TTC21B: variants seen among roughly 807,000 people sequenced by gnomAD.
The protein encoded by TTC21B is tetratricopeptide repeat domain 21B.
TTC21B carries 127 observed loss-of-function variants against 175.1 expected under a neutral mutation model. The ratio of observed to expected loss-of-function variants is 0.73; its 90% CI spans 0.63 to 0.84. The LOEUF (loss-of-function observed/expected upper bound fraction) is 0.84. Among genes scored for constraint, TTC21B ranks in the 40% least tolerant of loss-of-function variants. The pLI is 0.00. For missense variants in TTC21B, 1,561 were observed against 1,558.3 expected (o/e 1.00, Z -0.03); for synonymous variants, 524 against 524.5 (o/e 1.00, Z 0.01).
At chr2:165,928,870 A>G (rs1574118822) in intron 11 of TTC21B, 1 of 420,242 alleles carries the variant, frequency 2.4e-6, no homozygotes, top group East Asian at 5.1e-5. Flanking sequence ...TAGGTGTCTG[A>G]ATTAGATGCC....
At chr2:165,879,114 G>C (rs575175580) in intron 27 of TTC21B, among the ~76,000 whole-genome samples, 20 of 152,188 alleles carry the variant, frequency 1.3e-4, no homozygotes, top group African/African-American at 4.6e-4. Context: ...GAGAGCCTTA[G>C]AAAGAAATGA....
At chr2:165,898,025 T>C (rs913627931) in intron 22 of TTC21B, among the ~76,000 whole-genome samples, 1 of 152,148 alleles carries the variant, frequency 6.6e-6, no homozygotes, top group Non-Finnish European at 1.5e-5. Context: ...GAACACAGCA[T>C]GTTTGAAAAT....
intron 12 of TTC21B, 77 bp from the exon 13 acceptor site, chr2:165,919,510 T>A: frequency 6.7e-7 from 1 of 1,500,906 alleles, no homozygotes; most frequent in Non-Finnish European, 9.2e-7. Context: ...GGAAGAAGAG[T>A]GTTTAGTTTA....
At chr2:165,938,084 A>G (rs1184322141) in intron 6 of TTC21B, among the ~76,000 whole-genome samples, 1 of 147,964 alleles carries the variant, frequency 6.8e-6, no homozygotes, top group African/African-American at 2.5e-5. Flanking sequence ...CAGAGAAAAG[A>G]CTGTGCAATT....
At position 165,945,539 on chromosome 2, in the gene TTC21B, T is replaced by G; in HGVS notation, c.414A>C (p.Ser138=). 1 of 1,613,460 alleles carries G rather than the reference T, an allele frequency of 6.2e-7. No individual in the cohort carries two copies. Among genetic ancestry groups the G allele is most frequent in the Non-Finnish European group, 8.5e-7 (1 of 1,179,874 alleles). Residue 138 remains serine (S), a synonymous_variant, in exon 4 of 29, where the codon TCA becomes TCC. Transcript: ENST00000243344. ...REYIDRMIKI[S]DGSKQGHVLK... ...AAATAGCTACCTGTTTACTACCATC[T>G]GATATTTTGATCATTCTGTCAATAT...
intron 27 of TTC21B, among the ~76,000 whole-genome samples, chr2:165,878,945 G>C (rs775069164): frequency 1.3e-5 from 2 of 152,112 alleles, no homozygotes; most frequent in Non-Finnish European, 2.9e-5. Flanking sequence ...GCCTCCCAAA[G>C]TGTTGGGATT....
At chr2:165,909,820 A>G (rs550017669) in intron 18 of TTC21B, among the ~76,000 whole-genome samples, 1 of 152,340 alleles carries the variant, frequency 6.6e-6, no homozygotes, top group Non-Finnish European at 1.5e-5. Flanking sequence ...TACTCTACAT[A>G]TGCTAAAAAA....
chr2:165,915,002 G>A (rs1003957612), intron 15 of TTC21B, among the ~76,000 whole-genome samples, 199 bp downstream of exon 15: 1 of 152,010 alleles, frequency 6.6e-6, no homozygotes, highest in African/African-American at 2.4e-5. Flanking sequence ...CCAGTTTGAA[G>A]GAATCATAAT....
chr2:165,919,143 G>T lies in TTC21B; in HGVS notation c.1674+133C>A. On this transcript the variant is annotated intron_variant, in intron 13 of 28. Transcript: ENST00000243344. ...GCCTCAATTTTTCCTCCTACTGCTT[G>T]TGAGTTCCATTTTTTTTTCCATTAA... 4 of 1,072,456 alleles carry T rather than the reference G, an allele frequency of 3.7e-6. 1 individual carries two copies. Among genetic ancestry groups the T allele is most frequent in the Non-Finnish European group, 5.7e-6 (4 of 702,670 alleles). The allele number at this position is 1,072,456 out of a possible 1,614,324, so 66.4% of individuals were successfully genotyped here.
At chr2:165,890,714 G>T (rs1157720252) in intron 23 of TTC21B, 74 bp from the exon 24 acceptor site, 1 of 1,551,748 alleles carries the variant, frequency 6.4e-7, no homozygotes, top group African/African-American at 1.4e-5. Context: ...TAATCTGTCT[G>T]GTAAATAAAA....
At chr2:165,894,302 G>A (rs1468252371) in intron 22 of TTC21B, among the ~76,000 whole-genome samples, 3 of 152,138 alleles carry the variant, frequency 2.0e-5, no homozygotes, top group African/African-American at 7.2e-5. Flanking sequence ...AGATCTAGAA[G>A]AGGAATTTTT....
At chr2:165,947,893 T>G (rs902168183) in intron 3 of TTC21B, 1 of 152,218 alleles carries the variant, frequency 6.6e-6, no homozygotes, top group African/African-American at 2.4e-5. Flanking sequence ...TTCAGTGTCC[T>G]GCAAATCACA....
intron 19 of TTC21B, among the ~76,000 whole-genome samples, chr2:165,902,833 T>G (rs966232094): frequency 6.6e-6 from 1 of 152,206 alleles, no homozygotes; most frequent in Non-Finnish European, 1.5e-5. Flanking sequence ...AAGGCATCCT[T>G]GCATCCCTGA....
At position 165,953,759 on chromosome 2, in the gene TTC21B, A is replaced by G. The variant is rs986109289; in HGVS notation, c.-54T>C. 6.5e-7 allele frequency: 1 copy of G among 1,546,910 alleles called. No homozygotes were observed. The highest frequency in any genetic ancestry group is 2.5e-5 in the East Asian group (1 of 40,702). The stretch of plus-strand genomic sequence containing the variant: ...CTGGGGATTGTCTCGCCGCAGCCTA[A>G]AGGAAGACGCAGAATTCAGCTCCCC... On this transcript the variant is annotated 5_prime_UTR_variant, in exon 1 of 29. Coordinates refer to ENST00000243344, the MANE Select transcript of TTC21B (RefSeq NM_024753.5).
chr2:165,927,328 T>C lies in TTC21B; in HGVS notation c.1386+1807A>G, dbSNP rs1420914281. 3.3e-5 allele frequency among the ~76,000 whole-genome samples: 3 copies of C among 89,782 alleles called. 1 individual carries two copies. The highest frequency in any genetic ancestry group is 2.6e-4 in the East Asian group (1 of 3,840). 58.9% of individuals were successfully genotyped at this position (89,782 alleles called of 152,430 possible). On this transcript the variant is annotated intron_variant, in intron 11 of 28. Coordinates refer to ENST00000243344, the MANE Select transcript of TTC21B (RefSeq NM_024753.5). ...TATATTATATATTATATAATATATA[T>C]ATAATATATAATATATATATAATAT...
Position 165,911,312 on chromosome 2 carries a change from G to C in TTC21B, c.2461+15C>G. The C allele has an allele frequency of 6.2e-7, 1 of 1,613,562 alleles. No homozygotes were observed. The highest frequency in any genetic ancestry group is 8.5e-7 in the Non-Finnish European group (1 of 1,179,762). ...GAGTTATCAGACTTTTTTCAAACCAGAAAGACTTTCATACCAGGTTCATGA... is the reference window on the plus strand; with the variant it reads ...GAGTTATCAGACTTTTTTCAAACCACAAAGACTTTCATACCAGGTTCATGA... On this transcript the variant is annotated intron_variant, in intron 18 of 28. Coordinates refer to ENST00000243344, the MANE Select transcript of TTC21B (RefSeq NM_024753.5).
chr2:165,881,074 TTA>T (rs1248945087), intron 26 of TTC21B, among the ~76,000 whole-genome samples: 3 of 152,146 alleles, frequency 2.0e-5, no homozygotes, highest in East Asian at 1.9e-4. Flanking sequence ...AGGTACACTA[TTA>T]TGAGTGATTT....
At chr2:165,906,065 T>C (rs1254278435) in intron 19 of TTC21B, among the ~76,000 whole-genome samples, 2 of 151,970 alleles carry the variant, frequency 1.3e-5, no homozygotes, top group Non-Finnish European at 2.9e-5. Flanking sequence ...AAATTCAATG[T>C]TACACTTTTA....
At chr2:165,895,774 A>G (rs941252016) in intron 22 of TTC21B, among the ~76,000 whole-genome samples, 2 of 152,162 alleles carry the variant, frequency 1.3e-5, no homozygotes, top group Admixed American at 6.6e-5. Context: ...AGTAGTTCAC[A>G]GCATTCTTTT....
Sources: gnomAD v4.1 joint callset for allele counts (sites outside exome capture counted in the v4.1 genomes callset) on GRCh38, gnomAD v4.1.1 for gene constraint, MANE v1.5 for transcripts, NCBI Gene and HGNC (gene_info 2026-07-23, HGNC 2026-07-21) for gene names.